HOXD1: variants seen among roughly 807,000 people sequenced by gnomAD.
The protein encoded by HOXD1 is homeobox D1, also known as homeobox protein Hox-D1.
HOXD1 carries 17 observed loss-of-function variants against 19.9 expected under a neutral mutation model. The observed-to-expected ratio is 0.85, with a 90% confidence interval of 0.58 to 1.28. The LOEUF is 1.28. Among genes scored for constraint, HOXD1 ranks in the 50% most tolerant of loss-of-function variants. The pLI is 0.00. For synonymous variants in HOXD1, 239 were observed against 216.0 expected, an observed-to-expected ratio of 1.11 and a Z score of -0.93; for missense variants, 500 against 460.1, an observed-to-expected ratio of 1.09 and a Z score of -0.79.
rs1342868983 is a variant in HOXD1, at chr2:176,190,399, A to G, written c.*257A>G. ...GGAAAAGGTGCCCAGCTGCCAGCCC[A>G]GCTCCGCTGCTATCTTTGCCTCACT... is the stretch of plus-strand genomic sequence containing the variant. On this transcript the variant is annotated 3_prime_UTR_variant, in exon 2 of 2. Transcript: ENST00000331462. 20 of 497,478 alleles carry G rather than the reference A, an allele frequency of 4.0e-5. No homozygotes were observed. The highest frequency in any genetic ancestry group is 9.7e-5 in the East Asian group (3 of 31,006). The allele number at this position is 497,478 out of a possible 1,614,324, so 30.8% of individuals were successfully genotyped here.
rs1423831843 is a variant in HOXD1 at position 176,189,074 on chromosome 2, C to T, written c.273C>T (p.Tyr91=). 2 of 1,488,294 alleles carry T rather than the reference C, an allele frequency of 1.3e-6. No homozygotes were observed. The highest frequency in any genetic ancestry group is 1.4e-5 in the South Asian group (1 of 73,650). 92.2% of individuals were successfully genotyped at this position (1,488,294 alleles called of 1,614,324 possible). A position where few individuals can be genotyped will look rare whatever the true frequency, so the allele number is the denominator to read the frequency against. Residue 91 remains tyrosine, a synonymous_variant, in exon 1 of 2, where the codon TAC becomes TAT. Transcript: ENST00000331462. ...QYAQCTLEGA[Y]EPGAAPAAAA... ...CGCAGTGCACCCTGGAGGGGGCCTACGAACCTGGTGCCGCACCTGCCGCGG... is the reference window on the plus strand; with the variant it reads ...CGCAGTGCACCCTGGAGGGGGCCTATGAACCTGGTGCCGCACCTGCCGCGG...
At chr2:176,189,512 G>A (rs766623397) in intron 1 of HOXD1, 59 bp downstream of exon 1, 4 of 1,612,060 alleles carry the variant, frequency 2.5e-6, no homozygotes, top group Non-Finnish European at 3.4e-6. Context: ...CTCCCCCGCG[G>A]AAATGCGCTG....
intron 1 of HOXD1, 154 bp from the exon 2 acceptor site, chr2:176,189,654 G>A (rs755851702): frequency 5.9e-5 from 93 of 1,576,534 alleles, no homozygotes; most frequent in Non-Finnish European, 7.8e-5. Flanking sequence ...AAAATTTCAG[G>A]AAGGAGCTCT....
rs1691743054 is a variant in HOXD1 at position 176,189,371 on chromosome 2, G to A, written c.570G>A (p.Lys190=). Residue 190 remains lysine, a synonymous_variant, in exon 1 of 2, where the codon AAG becomes AAA. Coordinates refer to ENST00000331462, the MANE Select transcript of HOXD1 (RefSeq NM_024501.3). ...TASPAPGTYP[K]SVSPASGLPA... Reference sequence around the variant, plus strand: ...CCCCGGCCCCAGGCACCTACCCCAAGTCCGTCTCTCCCGCCTCCGGCCTCC... The same window carrying A: ...CCCCGGCCCCAGGCACCTACCCCAAATCCGTCTCTCCCGCCTCCGGCCTCC... The A allele has an allele frequency of 6.2e-7, 1 of 1,612,904 alleles. No homozygotes were observed. The highest frequency in any genetic ancestry group is 1.3e-5 in the African/African-American group (1 of 74,860).
rs1367719575 is a variant in HOXD1, at chr2:176,190,639, A to AG, written c.*498dup. On this transcript the variant is annotated 3_prime_UTR_variant, in exon 2 of 2. Coordinates refer to ENST00000331462, the MANE Select transcript of HOXD1 (RefSeq NM_024501.3). ...TCAGTGATCTTCACATTTGCACTCC[A>AG]GTTTTTTTTTCTTTAAAAAAGCGGT... 2.0e-5 allele frequency: 3 copies of AG among 153,354 alleles called. No homozygotes were observed. Among genetic ancestry groups the AG allele is most frequent in the Non-Finnish European group, 4.4e-5 (3 of 68,732 alleles). 9.5% of individuals were successfully genotyped at this position (153,354 alleles called of 1,614,324 possible).
Position 176,189,008 on chromosome 2 carries a change from C to G in HOXD1, c.207C>G (p.Pro69=). 1 of 1,419,128 alleles carries G rather than the reference C, an allele frequency of 7.0e-7. No homozygotes were observed. The highest frequency in any genetic ancestry group is 9.1e-7 in the Non-Finnish European group (1 of 1,100,508). The allele number at this position is 1,419,128 out of a possible 1,614,324, so 87.9% of individuals were successfully genotyped here. ...CCTCGCCTTCGCCCCCGGCCGCCCC[C>G]GCGCGGCCGTCCGTACCGCCTCCGG... is the stretch of plus-strand genomic sequence containing the variant. The part of the protein sequence containing the change: ...ARPSPSPPAA[P]ARPSVPPPAA... The change falls in exon 1 of 2, where the codon CCC becomes CCG. Residue 69 remains proline (P), a synonymous_variant. Transcript: ENST00000331462.
chr2:176,190,084 C>A lies in HOXD1; in HGVS notation c.929C>A (p.Thr310Asn). 6.2e-7 allele frequency: 1 copy of A among 1,613,982 alleles called. No homozygotes were observed. The highest frequency in any genetic ancestry group is 1.1e-5 in the South Asian group (1 of 91,074). Residue 310 changes from threonine to asparagine, a missense_variant, in exon 2 of 2, where the codon ACC (threonine) becomes AAC (asparagine). Coordinates refer to ENST00000331462, the MANE Select transcript of HOXD1 (RefSeq NM_024501.3). ...APLQLPLSGT[T>N]PTKFIKNPGS... Reference sequence around the variant, plus strand: ...CTCCAACTTCCCCTCTCTGGAACAACCCCCACTAAGTTTATCAAGAACCCC... The same window carrying A: ...CTCCAACTTCCCCTCTCTGGAACAAACCCCACTAAGTTTATCAAGAACCCC...
chr2:176,189,911 G>T lies in HOXD1; in HGVS notation c.756G>T (p.Lys252Asn). The change falls in exon 2 of 2, where the codon AAG becomes AAT. Residue 252 changes from lysine to asparagine, a missense_variant. Transcript: ENST00000331462. ...TGGAAAAAGAGTTTCATTTCAATAA[G>T]TACTTAACTCGAGCCCGGCGCATCG... ...TELEKEFHFN[K>N]YLTRARRIEI... 4 of 1,614,214 alleles carry T rather than the reference G, an allele frequency of 2.5e-6. No individual in the cohort carries two copies. The highest frequency in any genetic ancestry group is 3.4e-6 in the Non-Finnish European group (4 of 1,180,044).
rs545375951 is a variant in HOXD1 at position 176,189,967 on chromosome 2, C to G, written c.812C>G (p.Thr271Arg). 2.5e-6 allele frequency: 4 copies of G among 1,614,096 alleles called. No homozygotes were observed. In the South Asian group the frequency reaches 4.4e-5, roughly 18 times the overall value. ...EIANCLHLND[T>R]QVKIWFQNRR... ...GCCAACTGCTTGCACCTGAATGACA[C>G]GCAAGTCAAAATCTGGTTCCAGAAC... The change falls in exon 2 of 2, where the codon ACG becomes AGG. Residue 271 changes from threonine (T) to arginine (R), a missense_variant. Transcript: ENST00000331462.
rs374032063 is a variant in HOXD1 at position 176,189,841 on chromosome 2, C to G, written c.686C>G (p.Ser229Cys). The stretch of plus-strand genomic sequence containing the variant: ...GCCGAGTATGGGGCCGCTAGCCCCT[C>G]CAGCGCGATCCGCACGAATTTCAGC... ...KLAEYGAASP[S>C]SAIRTNFSTK... Residue 229 changes from serine (S) to cysteine (C), a missense_variant, in exon 2 of 2, where the codon TCC becomes TGC. By Grantham distance (112) the Ser-to-Cys change is moderately radical. Coordinates refer to ENST00000331462, the MANE Select transcript of HOXD1 (RefSeq NM_024501.3). The G allele has an allele frequency of 1.5e-5, 25 of 1,614,056 alleles. No individual in the cohort carries two copies. The highest frequency in any genetic ancestry group is 1.6e-4 in the Middle Eastern group (1 of 6,084).
Position 176,190,405 on chromosome 2 carries a change from G to T in HOXD1, c.*263G>T. The T allele has an allele frequency of 2.0e-6, 1 of 488,792 alleles. No homozygotes were observed. Among genetic ancestry groups the T allele is most frequent in the South Asian group, 3.7e-5 (1 of 27,286 alleles). The allele number at this position is 488,792 out of a possible 1,614,324, so 30.3% of individuals were successfully genotyped here. ...GGTGCCCAGCTGCCAGCCCAGCTCCGCTGCTATCTTTGCCTCACTTAGTCA... is the reference window on the plus strand; with the variant it reads ...GGTGCCCAGCTGCCAGCCCAGCTCCTCTGCTATCTTTGCCTCACTTAGTCA... On this transcript the variant is annotated 3_prime_UTR_variant, in exon 2 of 2. Transcript: ENST00000331462.
Position 176,189,146 on chromosome 2 carries a change from C to T in HOXD1, c.345C>T (p.Tyr115=). The T allele has an allele frequency of 6.3e-7, 1 of 1,586,006 alleles. No individual in the cohort carries two copies. Among genetic ancestry groups the T allele is most frequent in the East Asian group, 2.3e-5 (1 of 44,056 alleles). The change falls in exon 1 of 2, where the codon TAC becomes TAT. Residue 115 remains tyrosine (Y), a synonymous_variant. Coordinates refer to ENST00000331462, the MANE Select transcript of HOXD1 (RefSeq NM_024501.3). ...GCTTCCTGGGGTCCGGGCCGGCGTA[C>T]GACTTCCCGGGCGTGCTGGGGCGGG... ...DYGFLGSGPA[Y]DFPGVLGRAA...
Position 176,189,888 on chromosome 2 carries a change from GAA to G in HOXD1, c.737_738del (p.Lys246ArgfsTer6), listed in dbSNP as rs754651034. On this transcript the variant is annotated frameshift_variant, in exon 2 of 2. Coordinates refer to ENST00000331462, the MANE Select transcript of HOXD1 (RefSeq NM_024501.3). LOFTEE classifies it high-confidence loss of function. ...CAGCACCAAGCAACTGACAGAACTGGAAAAAGAGTTTCATTTCAATAAGTACT... is the reference window on the plus strand; with the variant it reads ...CAGCACCAAGCAACTGACAGAACTGGAAAGAGTTTCATTTCAATAAGTACT... ...NFSTKQLTEL[E>X]KEFHFNKYLT... 3.8e-5 allele frequency: 62 copies of G among 1,614,162 alleles called. No individual in the cohort carries two copies. The African/African-American group carries it at 6.7e-4, about 17-fold the overall frequency.
chr2:176,188,678 G>T lies in HOXD1; in HGVS notation c.-124G>T. 2.0e-6 allele frequency: 2 copies of T among 1,009,362 alleles called. No individual in the cohort carries two copies. The highest frequency in any genetic ancestry group is 3.0e-6 in the Non-Finnish European group (2 of 667,026). 62.5% of individuals were successfully genotyped at this position (1,009,362 alleles called of 1,614,324 possible). ...ACCTCCGGCTCACTCGCCATGGGTT[G>T]GAGAGGGCAGCTCGGGTAGAGAGGG... On this transcript the variant is annotated 5_prime_UTR_variant, in exon 1 of 2. Transcript: ENST00000331462.
At position 176,190,217 on chromosome 2, in the gene HOXD1, G is replaced by A. The variant is rs994089886; in HGVS notation, c.*75G>A. ...CCCCCATCCCTATCTAGACTTAGGA[G>A]CTCAGTTTGGGATGGAGGTGGGAGA... On this transcript the variant is annotated 3_prime_UTR_variant, in exon 2 of 2. Transcript: ENST00000331462. 3.6e-5 allele frequency: 36 copies of A among 1,006,804 alleles called. No homozygotes were observed. The African/African-American group carries it at 5.7e-4, about 16-fold the overall frequency. 62.4% of individuals were successfully genotyped at this position (1,006,804 alleles called of 1,614,324 possible). A position where few individuals can be genotyped will look rare whatever the true frequency, so the allele number is the denominator to read the frequency against.
Position 176,189,917 on chromosome 2 carries a change from A to T in HOXD1, c.762A>T (p.Leu254Phe). Reference protein sequence around the residue: ...LEKEFHFNKYLTRARRIEIAN... With the variant: ...LEKEFHFNKYFTRARRIEIAN... The stretch of plus-strand genomic sequence containing the variant: ...AAGAGTTTCATTTCAATAAGTACTT[A>T]ACTCGAGCCCGGCGCATCGAGATAG... Residue 254 changes from leucine (L) to phenylalanine (F), a missense_variant, in exon 2 of 2, where the codon TTA becomes TTT. Coordinates refer to ENST00000331462, the MANE Select transcript of HOXD1 (RefSeq NM_024501.3). 6.2e-7 allele frequency: 1 copy of T among 1,614,190 alleles called. No homozygotes were observed. Among genetic ancestry groups the T allele is most frequent in the Non-Finnish European group, 8.5e-7 (1 of 1,180,030 alleles).
Position 176,188,676 on chromosome 2 carries a change from T to TTGGAGAGGGCAGCTCGGG in HOXD1, c.-124_-107dup. 2 of 987,034 alleles carry TTGGAGAGGGCAGCTCGGG rather than the reference T, an allele frequency of 2.0e-6. No individual in the cohort carries two copies. Among genetic ancestry groups the TTGGAGAGGGCAGCTCGGG allele is most frequent in the Non-Finnish European group, 3.1e-6 (2 of 647,770 alleles). 61.1% of individuals were successfully genotyped at this position (987,034 alleles called of 1,614,324 possible). A position where few individuals can be genotyped will look rare whatever the true frequency, so the allele number is the denominator to read the frequency against. On this transcript the variant is annotated 5_prime_UTR_variant, in exon 1 of 2. An upstream open reading frame in the 5' UTR loses its in-frame stop. Transcript: ENST00000331462. Reference sequence around the variant, plus strand: ...TTACCTCCGGCTCACTCGCCATGGGTTGGAGAGGGCAGCTCGGGTAGAGAG... The same window carrying TTGGAGAGGGCAGCTCGGG: ...TTACCTCCGGCTCACTCGCCATGGGTTGGAGAGGGCAGCTCGGGTGGAGAGGGCAGCTCGGGTAGAGAG...
chr2:176,190,317 G>T lies in HOXD1; in HGVS notation c.*175G>T. 2 of 578,530 alleles carry T rather than the reference G, an allele frequency of 3.5e-6. No homozygotes were observed. Among genetic ancestry groups the T allele is most frequent in the South Asian group, 4.9e-5 (2 of 40,436 alleles). The allele number at this position is 578,530 out of a possible 1,614,324, so 35.8% of individuals were successfully genotyped here. On this transcript the variant is annotated 3_prime_UTR_variant, in exon 2 of 2. Transcript: ENST00000331462. The stretch of plus-strand genomic sequence containing the variant: ...TTCCGAGTTCCAGACTATATGTCCA[G>T]ATATTAATTGACTGTCTTGTAAGCC...
Position 176,189,144 on chromosome 2 carries a change from T to A in HOXD1, c.343T>A (p.Tyr115Asn). The A allele has an allele frequency of 1.3e-6, 2 of 1,585,244 alleles. No homozygotes were observed. The highest frequency in any genetic ancestry group is 8.5e-7 in the Non-Finnish European group (1 of 1,170,030). Reference protein sequence around the residue: ...DYGFLGSGPAYDFPGVLGRAA... With the variant: ...DYGFLGSGPANDFPGVLGRAA... ...CGGCTTCCTGGGGTCCGGGCCGGCG[T>A]ACGACTTCCCGGGCGTGCTGGGGCG... The change falls in exon 1 of 2, where the codon TAC becomes AAC. Residue 115 changes from tyrosine (Y) to asparagine (N), a missense_variant. Tyr to Asn is a moderately radical substitution (Grantham distance 143, BLOSUM62 -2). Transcript: ENST00000331462.
Sources: allele counts gnomAD v4.1 joint callset, GRCh38; gene constraint gnomAD v4.1.1; transcripts MANE v1.5; gene names NCBI Gene and HGNC (gene_info 2026-07-23, HGNC 2026-07-21).